The following DOCK8 variants were observed in gnomAD, a reference collection of about 807,000 sequenced individuals.
DOCK8 encodes dedicator of cytokinesis 8.
A neutral mutation model predicts 245.6 loss-of-function variants in DOCK8; 141 were observed. The observed-to-expected ratio is 0.57, with a 90% CI of 0.50 to 0.66. The LOEUF (loss-of-function observed/expected upper bound fraction) is 0.66, where lower values mean the gene tolerates loss of function less well. DOCK8 is among the 30% of genes least tolerant of loss of function. The probability of loss-of-function intolerance (pLI) is 0.00; values close to 1 mark genes in which losing one functional copy is unlikely to be tolerated. For synonymous variants in DOCK8, 1,168 were observed against 970.2 expected, an observed-to-expected ratio of 1.20 and a Z score of -3.79; for missense variants, 2,965 against 2,603.4, an observed-to-expected ratio of 1.14 and a Z score of -3.02.
At chr9:334,756 A>T (rs1040081426) in intron 11 of DOCK8, among the ~76,000 whole-genome samples, 2 of 152,148 alleles carry the variant, frequency 1.3e-5, no homozygotes, top group African/African-American at 4.8e-5. Flanking sequence ...ACCTAAAAAA[A>T]AAAGCCTCTG....
chr9:426,646 A>G (rs2056512497), intron 33 of DOCK8, among the ~76,000 whole-genome samples: 1 of 149,240 alleles, frequency 6.7e-6, no homozygotes. Context: ...AATTGTCCTC[A>G]TCATTATTAA....
intron 14 of DOCK8, among the ~76,000 whole-genome samples, chr9:366,747 ATT>A (rs112315050): frequency 0.17 from 25,824 of 152,092 alleles, 5,583 homozygotes; most frequent in African/African-American, 0.51. Context: ...TCCCAAGCAC[ATT>A]TTTGCTCAAC....
At chr9:214,214 A>T, upstream of DOCK8, 1 of 403,936 alleles carries the variant, frequency 2.5e-6, no homozygotes, top group Non-Finnish European at 4.5e-6. Flanking sequence ...AGCAGACCTC[A>T]GTCTGAAACT....
intron 29 of DOCK8, among the ~76,000 whole-genome samples, chr9:415,469 T>A (rs1251726382): frequency 2.0e-5 from 3 of 152,198 alleles, no homozygotes; most frequent in African/African-American, 7.2e-5. Context: ...TGACTAATTT[T>A]GAGGTTAATA....
chr9:429,404 A>G (rs2056625660), intron 35 of DOCK8, among the ~76,000 whole-genome samples: 1 of 152,242 alleles, frequency 6.6e-6, no homozygotes. Context: ...CAGGAACCCA[A>G]GAAACTCAGG....
At position 271,169 on chromosome 9, in the gene DOCK8, T is replaced by TC. The variant is rs2048154699; in HGVS notation, c.54-457dup. On this transcript the variant is annotated intron_variant, in intron 1 of 47. Coordinates refer to ENST00000432829, the MANE Select transcript of DOCK8 (RefSeq NM_203447.4). ...GAGGTAGAAGTATTCATACAACAGT[T>TC]CTCTGGTGTTCTCTGTTGTAGCAAC... 2.0e-5 allele frequency among the ~76,000 whole-genome samples: 3 copies of TC among 152,198 alleles called. No individual in the cohort carries two copies. In the South Asian group the frequency reaches 6.2e-4, roughly 32 times the overall value.
At chr9:330,170 G>T (rs767551322) in intron 9 of DOCK8, among the ~76,000 whole-genome samples, 1 of 151,970 alleles carries the variant, frequency 6.6e-6, no homozygotes, top group South Asian at 2.1e-4. Flanking sequence ...GATTATTTCC[G>T]CTTAAAAGTT....
chr9:213,133 C>T (rs2046646723), upstream of DOCK8: 1 of 152,040 alleles, frequency 6.6e-6, no homozygotes, highest in Non-Finnish European at 1.5e-5. Context: ...CTTTATTTTT[C>T]TTTGGGTTTG....
At chr9:248,749 T>C (rs785838) in intron 1 of DOCK8, among the ~76,000 whole-genome samples, 45,276 of 152,094 alleles carry the variant, frequency 0.3, 7,089 homozygotes, top group East Asian at 0.39. Context: ...GGTTTGTGGC[T>C]GTAAGTACTT....
intron 33 of DOCK8, 84 bp from the exon 34 acceptor site, chr9:426,801 T>C: frequency 9.3e-7 from 1 of 1,078,706 alleles, no homozygotes; most frequent in Non-Finnish European, 1.4e-6. Context: ...GGAGATTTCT[T>C]TACACCTTGG....
chr9:386,987 T>C (rs1265608520), intron 23 of DOCK8, among the ~76,000 whole-genome samples: 1 of 152,192 alleles, frequency 6.6e-6, no homozygotes, highest in African/African-American at 2.4e-5. Flanking sequence ...CTTACCAGGA[T>C]TTTTAAAGCA....
intron 26 of DOCK8, among the ~76,000 whole-genome samples, chr9:400,941 C>CCTTTCCTAT (rs2055012976): frequency 9.7e-6 from 1 of 103,026 alleles, no homozygotes; most frequent in South Asian, 3.6e-4. Context: ...ACATCCACCA[C>CCTTTCCTAT]CACCATCACC....
intron 30 of DOCK8, among the ~76,000 whole-genome samples, chr9:419,852 A>G (rs2056200562): frequency 6.6e-6 from 1 of 152,232 alleles, no homozygotes; most frequent in African/African-American, 2.4e-5. Flanking sequence ...TCCATTACAG[A>G]GAACTCCACA....
chr9:450,853 G>A (rs915148397), intron 45 of DOCK8, among the ~76,000 whole-genome samples: 14 of 151,254 alleles, frequency 9.3e-5, no homozygotes, highest in African/African-American at 3.4e-4. Context: ...CAGCAGTTAT[G>A]CAAAATGATG....
intron 1 of DOCK8, among the ~76,000 whole-genome samples, chr9:228,423 T>G (rs2047033536): frequency 1.3e-5 from 2 of 152,200 alleles, no homozygotes; most frequent in African/African-American, 4.8e-5. Context: ...ACTGACATAC[T>G]ACCTTTCAGA....
intron 22 of DOCK8, 27 bp from the exon 23 acceptor site, chr9:386,304 T>A: frequency 6.3e-7 from 1 of 1,597,910 alleles, no homozygotes; most frequent in Non-Finnish European, 8.6e-7. Flanking sequence ...GTTGGTTGAC[T>A]GTTAAGCCAT....
intron 1 of DOCK8, among the ~76,000 whole-genome samples, chr9:253,852 G>C (rs767410142): frequency 4.6e-5 from 7 of 152,050 alleles, no homozygotes; most frequent in Non-Finnish European, 1.0e-4. Flanking sequence ...ACAGTCACCT[G>C]GTATAAAAGC....
rs114766687 is a variant in DOCK8, at chr9:345,560, T to A, written c.1679+5239T>A. Among the ~76,000 whole-genome samples the A allele has an allele frequency of 6.0e-3, 921 of 152,298 alleles. 8 individuals are homozygous for A. The highest frequency in any genetic ancestry group is 0.021 in the African/African-American group (881 of 41,560). Reference sequence around the variant, plus strand: ...TTTTGGTATTGATGAGGGTTTCAGCTGAATATTACTTGAGTTGAACTCCAG... The same window carrying A: ...TTTTGGTATTGATGAGGGTTTCAGCAGAATATTACTTGAGTTGAACTCCAG... On this transcript the variant is annotated intron_variant, in intron 14 of 47. Transcript: ENST00000432829.
At chr9:360,815 A>C (rs1224074682) in intron 14 of DOCK8, among the ~76,000 whole-genome samples, 1 of 152,162 alleles carries the variant, frequency 6.6e-6, no homozygotes. Context: ...ACTGGTAAGC[A>C]AATGGATTTT....
Sources: gnomAD v4.1 joint callset for allele counts (sites outside exome capture counted in the v4.1 genomes callset) on GRCh38, gnomAD v4.1.1 for gene constraint, MANE v1.5 for transcripts, NCBI Gene and HGNC (gene_info 2026-07-23, HGNC 2026-07-21) for gene names.